Variants in COG3 observed in about 807,000 individuals in gnomAD.
The protein encoded by COG3 is component of oligomeric golgi complex 3.
COG3 carries 32 observed loss-of-function variants against 114.1 expected under a neutral mutation model. The observed-to-expected ratio is 0.28, with a 90% CI of 0.21 to 0.38. COG3 has a LOEUF of 0.38. COG3 is among the 10% of genes least tolerant of loss of function. The probability of loss-of-function intolerance (pLI) is 1.00; values close to 1 mark genes in which losing one functional copy is unlikely to be tolerated. For missense variants in COG3, 813 were observed against 973.2 expected (o/e 0.84, Z 2.19); for synonymous variants, 352 against 365.7 (o/e 0.96, Z 0.43).
chr13:45,534,815 T>C lies in COG3; in HGVS notation c.*84T>C, dbSNP rs368035595. Reference sequence around the variant, plus strand: ...TTGCAGTCTGCAGGACACCGAGGAATCGTATGTGGGAACGTCCCCGAGAAC... The same window carrying C: ...TTGCAGTCTGCAGGACACCGAGGAACCGTATGTGGGAACGTCCCCGAGAAC... On this transcript the variant is annotated 3_prime_UTR_variant, in exon 23 of 23. Coordinates refer to ENST00000349995, the MANE Select transcript of COG3 (RefSeq NM_031431.4). 228 of 1,470,340 alleles carry C rather than the reference T, an allele frequency of 1.6e-4. No individual in the cohort carries two copies. Among genetic ancestry groups the C allele is most frequent in the Non-Finnish European group, 1.9e-4 (207 of 1,112,882 alleles). 91.1% of individuals were successfully genotyped at this position (1,470,340 alleles called of 1,614,324 possible). A position where few individuals can be genotyped will look rare whatever the true frequency, so the allele number is the denominator to read the frequency against.
chr13:45,509,327 TG>T (rs1308079027), intron 14 of COG3, among the ~76,000 whole-genome samples: 11 of 152,212 alleles, frequency 7.2e-5, no homozygotes, highest in Non-Finnish European at 1.0e-4. Context: ...CGTGAGCCAC[TG>T]TGCCCAGACG....
chr13:45,492,086 T>C, intron 10 of COG3, 73 bp from the exon 11 acceptor site: 1 of 888,876 alleles, frequency 1.1e-6, no homozygotes. Context: ...ACATAAAGTG[T>C]AGGCTTTATT....
chr13:45,496,130 G>T (rs748488917), intron 12 of COG3, 22 bp from the exon 13 acceptor site: 7 of 1,593,404 alleles, frequency 4.4e-6, no homozygotes, highest in Non-Finnish European at 8.6e-7. Flanking sequence ...TAAAAGAATG[G>T]ATGATTGCAC....
intron 1 of COG3, among the ~76,000 whole-genome samples, chr13:45,470,400 T>C (rs1885402278): frequency 1.3e-5 from 2 of 152,260 alleles, no homozygotes; most frequent in Admixed American, 1.3e-4. Flanking sequence ...AGGACAGCTC[T>C]ATGTATTATA....
At chr13:45,467,596 A>G (rs1416817908) in intron 1 of COG3, among the ~76,000 whole-genome samples, 5 of 147,604 alleles carry the variant, frequency 3.4e-5, no homozygotes, top group East Asian at 1.9e-4. Flanking sequence ...TTCTGTCTCA[A>G]AAAGAATGCA....
intron 16 of COG3, 146 bp downstream of exon 16, chr13:45,512,000 GT>G: frequency 1.6e-6 from 1 of 638,318 alleles, no homozygotes; most frequent in Non-Finnish European, 2.8e-6. Context: ...GAGAGAAACT[GT>G]TATTTCATTA....
chr13:45,510,555 A>G (rs1870747341), intron 15 of COG3, among the ~76,000 whole-genome samples: 4 of 152,194 alleles, frequency 2.6e-5, no homozygotes, highest in Admixed American at 1.3e-4. Flanking sequence ...ATCCCAAGGA[A>G]AATACGCAGG....
intron 1 of COG3, among the ~76,000 whole-genome samples, chr13:45,475,364 T>C (rs190084314): frequency 6.8e-6 from 1 of 146,404 alleles, no homozygotes; most frequent in East Asian, 2.0e-4. Flanking sequence ...ACCCAGCTAA[T>C]TTTTTTTTTT....
At chr13:45,520,703 A>AT (rs35548584) in intron 19 of COG3, among the ~76,000 whole-genome samples, 109,932 of 152,046 alleles carry the variant, frequency 0.72, 41,270 homozygotes, top group Admixed American at 0.82. Context: ...GTGCATATGC[A>AT]TTTTTTTCCC....
chr13:45,520,178 A>G, intron 19 of COG3, among the ~76,000 whole-genome samples: 1 of 151,968 alleles, frequency 6.6e-6, no homozygotes, highest in East Asian at 1.9e-4. Context: ...AGTCCCAGGT[A>G]CTTGGGAGGC....
In COG3 at chr13:45,497,784, T is replaced by TCAACAACAACAACAACAACAA. The variant is rs1242517110; in HGVS notation, c.1488+1488_1488+1508dup. On this transcript the variant is annotated intron_variant, in intron 13 of 22. Coordinates refer to ENST00000349995, the MANE Select transcript of COG3 (RefSeq NM_031431.4). ...CTGGGTGACAGAGCCAGACCCTGTC[T>TCAACAACAACAACAACAACAA]CAACAACAACAACAACAACAACAAC... Among the ~76,000 whole-genome samples the TCAACAACAACAACAACAACAA allele has an allele frequency of 3.3e-3, 492 of 147,246 alleles. 1 individual carries two copies. Among genetic ancestry groups the TCAACAACAACAACAACAACAA allele is most frequent in the South Asian group, 5.1e-3 (23 of 4,528 alleles).
intron 22 of COG3, chr13:45,531,385 T>C (rs141932593): frequency 6.6e-6 from 1 of 152,440 alleles, no homozygotes; most frequent in East Asian, 1.9e-4. Flanking sequence ...TTTAGAAATT[T>C]AGTATATGGT....
intron 22 of COG3, among the ~76,000 whole-genome samples, chr13:45,532,865 C>G (rs908268494): frequency 6.6e-6 from 1 of 152,036 alleles, no homozygotes; most frequent in African/African-American, 2.4e-5. Flanking sequence ...CCACATTTTT[C>G]CGTAGGGTAA....
intron 14 of COG3, among the ~76,000 whole-genome samples, chr13:45,504,795 ATGTGGCTAGTCTGAATGTGCTGTAAT>A (rs974769386): frequency 2.6e-5 from 4 of 152,190 alleles, no homozygotes; most frequent in Admixed American, 1.3e-4. Context: ...AGCGTGTGAA[ATGTGGCTAGTCTGAATGTGCTGTAAT>A]TGTGGCTAGT....
In COG3 at chr13:45,529,881, A is replaced by G. The variant is rs1202329156; in HGVS notation, c.2321A>G (p.Asn774Ser). 22 of 1,613,158 alleles carry G rather than the reference A, an allele frequency of 1.4e-5. No homozygotes were observed. In the Middle Eastern group the frequency reaches 4.9e-4, roughly 36 times the overall value. ...AGAAGTATGTCCTTGTACCTATCCA[A>G]TAAAGATACCGAGTTCATCTTGTTT... ...TLRSMSLYLS[N>S]KDTEFILFKP... The change falls in exon 21 of 23, where the codon AAT becomes AGT. Residue 774 changes from asparagine (N) to serine (S), a missense_variant. This residue lies in a region of COG3 where 389 missense variants were observed against 542.6 expected (regional missense o/e 0.72). Transcript: ENST00000349995.
intron 14 of COG3, among the ~76,000 whole-genome samples, 200 bp downstream of exon 14, chr13:45,503,549 T>C (rs1869777492): frequency 6.6e-6 from 1 of 152,048 alleles, no homozygotes; most frequent in Non-Finnish European, 1.5e-5. Context: ...CCTTGGACCA[T>C]GGATGAGGGG....
At chr13:45,503,206 C>G (rs1371523308) in intron 13 of COG3, 38 bp from the exon 14 acceptor site, 1 of 994,914 alleles carries the variant, frequency 1.0e-6, no homozygotes, top group African/African-American at 1.6e-5. Context: ...CCAAACACTG[C>G]TGAAAACGGT....
intron 2 of COG3, 124 bp downstream of exon 2, chr13:45,476,471 A>G (rs1885869651): frequency 6.0e-6 from 6 of 1,003,340 alleles, no homozygotes; most frequent in Non-Finnish European, 8.7e-6. Context: ...TCTTTCTAGA[A>G]CATTCTTGAT....
At chr13:45,479,091 G>A in intron 3 of COG3, 25 bp downstream of exon 3, 1 of 1,520,798 alleles carries the variant, frequency 6.6e-7, no homozygotes. Flanking sequence ...TGCATTTGTT[G>A]AATATCTTAA....
Sources: gnomAD v4.1 joint callset for allele counts (sites outside exome capture counted in the v4.1 genomes callset) on GRCh38, gnomAD v4.1.1 for gene constraint, gnomAD v4.1.1 regional missense constraint, MANE v1.5 for transcripts, NCBI Gene and HGNC (gene_info 2026-07-23, HGNC 2026-07-21) for gene names.